GNPTAB: variants seen among roughly 807,000 people sequenced by gnomAD.
GNPTAB encodes N-acetylglucosamine-1-phosphate transferase subunits alpha and beta, also known as N-acetylglucosamine-1-phosphotransferase subunits alpha/beta.
In GNPTAB, 92 loss-of-function variants were observed where a neutral mutation model predicts 136.6. The ratio of observed to expected loss-of-function variants is 0.67; its 90% CI spans 0.57 to 0.80. GNPTAB has a LOEUF of 0.80. Ranked by LOEUF, GNPTAB falls within the 30% of genes least tolerant of loss-of-function variation. The pLI, the probability that GNPTAB is intolerant of heterozygous loss-of-function variation, is 0.00. For synonymous variants in GNPTAB, 512 were observed against 535.1 expected (o/e 0.96, Z 0.60); for missense variants, 1,343 against 1,501.8 (o/e 0.89, Z 1.75).
intron 7 of GNPTAB, among the ~76,000 whole-genome samples, chr12:101,777,236 C>T (rs966399940): frequency 2.6e-5 from 4 of 152,184 alleles, no homozygotes; most frequent in Non-Finnish European, 4.4e-5. Context: ...TGCATGGGAA[C>T]GTCTTACTGG....
intron 1 of GNPTAB, among the ~76,000 whole-genome samples, chr12:101,824,584 A>C (rs1229179278): frequency 1.3e-5 from 2 of 150,968 alleles, no homozygotes; most frequent in Non-Finnish European, 2.9e-5. Flanking sequence ...CTCCTGCCTC[A>C]GCCTACCAAG....
chr12:101,828,788 C>T (rs1328050740), intron 1 of GNPTAB, among the ~76,000 whole-genome samples: 5 of 152,158 alleles, frequency 3.3e-5, no homozygotes, highest in Non-Finnish European at 7.3e-5. Context: ...GCAAATGCAT[C>T]CATTTCATCA....
intron 2 of GNPTAB, 110 bp from the exon 3 acceptor site, chr12:101,790,167 A>C: frequency 2.1e-6 from 3 of 1,439,510 alleles, no homozygotes; most frequent in Non-Finnish European, 1.9e-6. Flanking sequence ...TCTCTGAAGA[A>C]GTAATCCAAC....
In GNPTAB at chr12:101,746,456, C is replaced by T. The variant is rs1388591704; in HGVS notation, c.*708G>A. On this transcript the variant is annotated 3_prime_UTR_variant, in exon 21 of 21. Coordinates refer to ENST00000299314, the MANE Select transcript of GNPTAB (RefSeq NM_024312.5). Reference sequence around the variant, plus strand: ...ATCTGGTAAGTAGTACTAACTCTAGCCCTTTGAAATTAGACCTGCACGTGA... The same window carrying T: ...ATCTGGTAAGTAGTACTAACTCTAGTCCTTTGAAATTAGACCTGCACGTGA... 1 of 152,310 alleles carries T rather than the reference C, an allele frequency of 6.6e-6. No individual in the cohort carries two copies. The highest frequency in any genetic ancestry group is 1.9e-4 in the East Asian group (1 of 5,202). The allele number at this position is 152,310 out of a possible 1,614,324, so 9.4% of individuals were successfully genotyped here. A position where few individuals can be genotyped will look rare whatever the true frequency, so the allele number is the denominator to read the frequency against.
Position 101,830,633 on chromosome 12 carries a change from A to T in GNPTAB, c.43T>A (p.Ser15Thr). The part of the protein sequence containing the change: ...LLQRQTYTCL[S>T]HRYGLYVCFL... Reference sequence around the variant, plus strand: ...CACACGTAGAGCCCATACCTGTGGGACAGGCAGGTATAGGTCTGTCTCTGC... The same window carrying T: ...CACACGTAGAGCCCATACCTGTGGGTCAGGCAGGTATAGGTCTGTCTCTGC... The change falls in exon 1 of 21, where the codon TCC (serine) becomes ACC (threonine). Residue 15 changes from serine to threonine, a missense_variant. Transcript: ENST00000299314. The T allele has an allele frequency of 6.2e-7, 1 of 1,612,216 alleles. No individual in the cohort carries two copies. Among genetic ancestry groups the T allele is most frequent in the Non-Finnish European group, 8.5e-7 (1 of 1,178,616 alleles).
At chr12:101,748,168 GAAAGCAGATGAAGGTT>G (rs1003129331) in intron 20 of GNPTAB, among the ~76,000 whole-genome samples, 1 of 152,198 alleles carries the variant, frequency 6.6e-6, no homozygotes, top group African/African-American at 2.4e-5. Context: ...ACAATCCCTG[GAAAGCAGATGAAGGTT>G]AAGTTGCTGT....
At chr12:101,799,081 C>T (rs1346409477) in intron 1 of GNPTAB, among the ~76,000 whole-genome samples, 1 of 152,116 alleles carries the variant, frequency 6.6e-6, no homozygotes, top group Non-Finnish European at 1.5e-5. Context: ...AATTATGAAG[C>T]TGTCACTCCC....
chr12:101,760,191 G>A, intron 15 of GNPTAB, 48 bp from the exon 16 acceptor site: 2 of 1,140,250 alleles, frequency 1.8e-6, no homozygotes, highest in Non-Finnish European at 2.7e-6. Flanking sequence ...TGTAAGTAAT[G>A]ACTGTGGTTT....
chr12:101,752,737 A>G (rs955952185), intron 19 of GNPTAB, among the ~76,000 whole-genome samples: 2 of 152,200 alleles, frequency 1.3e-5, no homozygotes, highest in Non-Finnish European at 2.9e-5. Context: ...TCAGCTCAGC[A>G]CATACCGACC....
intron 7 of GNPTAB, among the ~76,000 whole-genome samples, chr12:101,777,894 T>TG (rs889175994): frequency 6.6e-6 from 1 of 152,222 alleles, no homozygotes; most frequent in African/African-American, 2.4e-5. Flanking sequence ...TCACAGGTGT[T>TG]GGAATTATGA....
intron 17 of GNPTAB, 25 bp from the exon 18 acceptor site, chr12:101,757,335 A>C (rs3736476): frequency 7.7e-7 from 1 of 1,302,064 alleles, no homozygotes; most frequent in Non-Finnish European, 1.1e-6. Context: ...ATATTTGAAG[A>C]GTTTAAATAA....
chr12:101,764,134 A>G (rs1953045835), intron 13 of GNPTAB, 68 bp downstream of exon 13: 4 of 1,601,636 alleles, frequency 2.5e-6, no homozygotes, highest in South Asian at 2.2e-5. Context: ...TGGTAGCTAT[A>G]ATGATATTAT....
intron 7 of GNPTAB, chr12:101,773,017 A>G (rs1953202480): frequency 6.1e-6 from 1 of 164,388 alleles, no homozygotes; most frequent in African/African-American, 2.4e-5. Context: ...GCAGGATTTC[A>G]TCACATTGGC....
At chr12:101,753,853 G>C (rs1952858920) in intron 18 of GNPTAB, among the ~76,000 whole-genome samples, 1 of 152,134 alleles carries the variant, frequency 6.6e-6, no homozygotes, top group Non-Finnish European at 1.5e-5. Context: ...TTGGCAGCTA[G>C]CAAAGACAAT....
intron 19 of GNPTAB, among the ~76,000 whole-genome samples, chr12:101,752,912 A>G (rs1952841224): frequency 6.6e-6 from 1 of 152,192 alleles, no homozygotes; most frequent in African/African-American, 2.4e-5. Flanking sequence ...CGCAATAAAA[A>G]TTATAACTAT....
chr12:101,753,340 C>T lies in GNPTAB; in HGVS notation c.3602+32G>A, dbSNP rs368828554. ...ACATATGCATGTATACACTCACCCA[C>T]ACACATGCATATATAAAACATGAGA... is the stretch of plus-strand genomic sequence containing the variant. On this transcript the variant is annotated intron_variant, in intron 19 of 20. Transcript: ENST00000299314. 25 of 1,525,636 alleles carry T rather than the reference C, an allele frequency of 1.6e-5. No homozygotes were observed. In the African/African-American group the frequency reaches 3.3e-4, roughly 20 times the overall value. 94.5% of individuals were successfully genotyped at this position (1,525,636 alleles called of 1,614,324 possible). A position where few individuals can be genotyped will look rare whatever the true frequency, so the allele number is the denominator to read the frequency against.
intron 1 of GNPTAB, among the ~76,000 whole-genome samples, chr12:101,825,136 A>G (rs1315475516): frequency 1.3e-5 from 2 of 152,210 alleles, no homozygotes; most frequent in Admixed American, 6.5e-5. Context: ...CAGGCATTCA[A>G]TTGCTTATTC....
intron 1 of GNPTAB, among the ~76,000 whole-genome samples, chr12:101,817,933 A>G (rs1870589895): frequency 1.3e-5 from 2 of 152,186 alleles, no homozygotes. Flanking sequence ...TGTTCTAAGC[A>G]CAGATTTTAT....
chr12:101,747,232 G>T lies in GNPTAB; in HGVS notation c.3703C>A (p.Leu1235Ile). ...CTTCTGGGAAATATCTTCCGCTTAAGTGCAATTAACTAAATGATGAAAGAC... is the reference window on the plus strand; with the variant it reads ...CTTCTGGGAAATATCTTCCGCTTAATTGCAATTAACTAAATGATGAAAGAC... ...FSFFAEQLIA[L>I]KRKIFPRRRI... Residue 1235 changes from leucine (L) to isoleucine (I), a missense_variant, in exon 21 of 21, where the codon CTT (leucine) becomes ATT (isoleucine). By Grantham distance (5) the Leu-to-Ile change is conservative (BLOSUM62 2). Coordinates refer to ENST00000299314, the MANE Select transcript of GNPTAB (RefSeq NM_024312.5). The T allele has an allele frequency of 3.2e-6, 5 of 1,569,582 alleles. No individual in the cohort carries two copies. The highest frequency in any genetic ancestry group is 4.4e-6 in the Non-Finnish European group (5 of 1,139,438).
Sources: gnomAD v4.1 joint callset for allele counts (sites outside exome capture counted in the v4.1 genomes callset) on GRCh38, gnomAD v4.1.1 for gene constraint, MANE v1.5 for transcripts, NCBI Gene and HGNC (gene_info 2026-07-23, HGNC 2026-07-21) for gene names.